MED16: variants seen among roughly 807,000 people sequenced by gnomAD.
MED16 encodes mediator complex subunit 16.
Under a neutral mutation model 84.4 loss-of-function variants are expected in MED16, and 81 were observed. The ratio of observed to expected loss-of-function variants is 0.96; its 90% CI spans 0.80 to 1.15. The LOEUF is 1.15. MED16 is among the 50% of genes most tolerant of loss of function. The probability of loss-of-function intolerance (pLI) is 0.00; values close to 1 mark genes in which losing one functional copy is unlikely to be tolerated. For synonymous variants in MED16, 897 were observed against 552.2 expected, an observed-to-expected ratio of 1.62 and a Z score of -8.76; for missense variants, 1,585 against 1,245.9, an observed-to-expected ratio of 1.27 and a Z score of -4.10.
At position 885,620 on chromosome 19, in the gene MED16, G is replaced by A. The variant is rs899950164; in HGVS notation, c.879+150C>T. Reference sequence around the variant, plus strand: ...AGATGCTGGGAAAGGCAGAAAATGGGTTCTCCCCTGGAGCCCCCGGGAGGG... The same window carrying A: ...AGATGCTGGGAAAGGCAGAAAATGGATTCTCCCCTGGAGCCCCCGGGAGGG... On this transcript the variant is annotated intron_variant, in intron 5 of 15. Transcript: ENST00000325464. 3.2e-6 allele frequency: 3 copies of A among 933,164 alleles called. No individual in the cohort carries two copies. In the Admixed American group the frequency reaches 8.6e-5, roughly 27 times the overall value. The allele number at this position is 933,164 out of a possible 1,614,324, so 57.8% of individuals were successfully genotyped here.
chr19:885,703 C>T (rs1336758786), intron 5 of MED16, 67 bp downstream of exon 5: 2 of 1,557,316 alleles, frequency 1.3e-6, no homozygotes, highest in East Asian at 2.3e-5. Context: ...TCTCCACCCC[C>T]AGGACCCTGA....
chr19:877,369 G>A (rs538679115), intron 8 of MED16, among the ~76,000 whole-genome samples, 189 bp from the exon 9 acceptor site: 12 of 152,036 alleles, frequency 7.9e-5, no homozygotes, highest in African/African-American at 2.4e-4. Flanking sequence ...CAATGCCTCT[G>A]GGAACAGGGA....
At chr19:876,605 G>A (rs537574028) in intron 9 of MED16, among the ~76,000 whole-genome samples, 164 of 152,136 alleles carry the variant, frequency 1.1e-3, no homozygotes, top group South Asian at 5.0e-3. Context: ...TTTCCTGGAC[G>A]GGCCTCTGGG....
chr19:868,155 G>C lies in MED16; in HGVS notation c.2580C>G (p.His860Gln). ...FVQLGPQSTHHSPRTPRSLDH... is the reference protein window; with the variant it reads ...FVQLGPQSTHQSPRTPRSLDH... ...CCAGGGATCTGGGGGTCCTGGGAGA[G>C]TGGTGTGTGGACTGCGGGCCCAGCT... The change falls in exon 16 of 16, where the codon CAC becomes CAG. Residue 860 changes from histidine to glutamine, a missense_variant. By Grantham distance (24) the His-to-Gln change is conservative. Coordinates refer to ENST00000325464, the MANE Select transcript of MED16 (RefSeq NM_005481.3). 1.2e-6 allele frequency: 2 copies of C among 1,611,828 alleles called. No individual in the cohort carries two copies. The highest frequency in any genetic ancestry group is 1.7e-6 in the Non-Finnish European group (2 of 1,179,590).
At chr19:884,278 C>G (rs2036480461) in intron 6 of MED16, among the ~76,000 whole-genome samples, 1 of 152,222 alleles carries the variant, frequency 6.6e-6, no homozygotes, top group South Asian at 2.1e-4. Context: ...CCGGTCATAG[C>G]AGGCGGGCGT....
At chr19:885,249 G>C (rs1026108937) in intron 5 of MED16, among the ~76,000 whole-genome samples, 1 of 152,176 alleles carries the variant, frequency 6.6e-6, no homozygotes, top group Non-Finnish European at 1.5e-5. Context: ...GGGACACAGG[G>C]AACCAAGTCA....
Position 885,937 on chromosome 19 carries a change from G to T in MED16, c.712C>A (p.Pro238Thr), listed in dbSNP as rs759143794. The change falls in exon 5 of 16, where the codon CCC (proline) becomes ACC (threonine). Residue 238 changes from proline to threonine, a missense_variant. By Grantham distance (38) the Pro-to-Thr change is conservative. Coordinates refer to ENST00000325464, the MANE Select transcript of MED16 (RefSeq NM_005481.3). ...VATADGSSAS[P>T]VQFYKVCVSV... ...ACGCACACCTTGTAGAACTGCACGGGCGACGCGCTGCTGCCGTCCGCCGTG... is the reference window on the plus strand; with the variant it reads ...ACGCACACCTTGTAGAACTGCACGGTCGACGCGCTGCTGCCGTCCGCCGTG... 1 of 1,612,966 alleles carries T rather than the reference G, an allele frequency of 6.2e-7. No homozygotes were observed. The highest frequency in any genetic ancestry group is 1.7e-4 in the Middle Eastern group (1 of 6,060).
At chr19:883,934 G>A (rs939024946) in intron 6 of MED16, among the ~76,000 whole-genome samples, 14 of 152,280 alleles carry the variant, frequency 9.2e-5, no homozygotes, top group Admixed American at 5.9e-4. Flanking sequence ...CCTGCCTGGT[G>A]ACTCACTACA....
At chr19:889,302 C>T (rs1205559583) in intron 4 of MED16, among the ~76,000 whole-genome samples, 6 of 152,298 alleles carry the variant, frequency 3.9e-5, no homozygotes, top group South Asian at 2.1e-4. Flanking sequence ...AAGACAGCAG[C>T]CACCAGTTAT....
chr19:884,958 G>C lies in MED16; in HGVS notation c.930C>G (p.Ser310=), dbSNP rs369054708. Residue 310 remains serine, a synonymous_variant, in exon 6 of 16, where the codon TCC becomes TCG. Transcript: ENST00000325464. The part of the protein sequence containing the change: ...SQTSSIVECW[S]LRKEGLPVNN... Reference sequence around the variant, plus strand: ...TCACGGGGAGTCCCTCCTTGCGCAGGGACCAGCACTCCACGATGCTGCTGG... The same window carrying C: ...TCACGGGGAGTCCCTCCTTGCGCAGCGACCAGCACTCCACGATGCTGCTGG... 6.2e-7 allele frequency: 1 copy of C among 1,609,404 alleles called. No individual in the cohort carries two copies. The highest frequency in any genetic ancestry group is 8.5e-7 in the Non-Finnish European group (1 of 1,179,328).
rs2035953365 is a variant in MED16, at chr19:867,987, C to G, written c.*114G>C. ...CTGGGCGCAGAGGGCGTTTATTGGA[C>G]CTGTCCTTCCCAGCCGCTGCTTGTC... is the stretch of plus-strand genomic sequence containing the variant. On this transcript the variant is annotated 3_prime_UTR_variant, in exon 16 of 16. Coordinates refer to ENST00000325464, the MANE Select transcript of MED16 (RefSeq NM_005481.3). 7.2e-7 allele frequency: 1 copy of G among 1,383,442 alleles called. No homozygotes were observed. Among genetic ancestry groups the G allele is most frequent in the Non-Finnish European group, 9.6e-7 (1 of 1,038,098 alleles). 85.7% of individuals were successfully genotyped at this position (1,383,442 alleles called of 1,614,324 possible). A position where few individuals can be genotyped will look rare whatever the true frequency, so the allele number is the denominator to read the frequency against.
Position 889,798 on chromosome 19 carries a change from A to G in MED16, c.287T>C (p.Leu96Pro). 6.2e-7 allele frequency: 1 copy of G among 1,610,930 alleles called. No homozygotes were observed. Among genetic ancestry groups the G allele is most frequent in the South Asian group, 1.1e-5 (1 of 90,720 alleles). The change falls in exon 4 of 16, where the codon CTC (leucine) becomes CCC (proline). Residue 96 changes from leucine (L) to proline (P), a missense_variant. Transcript: ENST00000325464. ...CLEWDQSGSR[L>P]LSADADGQIK... ...CTGCCCGTCGGCATCTGCTGACAGG[A>G]GCCGGGAGCCTGAGGGCAAGAAGCC...
intron 6 of MED16, among the ~76,000 whole-genome samples, chr19:884,368 C>T (rs375798476): frequency 2.7e-4 from 41 of 151,072 alleles, no homozygotes; most frequent in African/African-American, 9.5e-4. Context: ...GGGGGCCCAT[C>T]GGGCGGATAG....
rs2036607473 is a variant in MED16 at position 890,262 on chromosome 19, G to A, written c.170-18C>T. The A allele has an allele frequency of 4.0e-6, 6 of 1,493,724 alleles. No homozygotes were observed. Among genetic ancestry groups the A allele is most frequent in the South Asian group, 2.5e-5 (2 of 78,620 alleles). 92.5% of individuals were successfully genotyped at this position (1,493,724 alleles called of 1,614,324 possible). The stretch of plus-strand genomic sequence containing the variant: ...GGTCAGGTCTGTGGGGACGGGGCAT[G>A]GTCAGCACGGCCTGGCACCACAGCC... On this transcript the variant is annotated intron_variant, in intron 2 of 15. Transcript: ENST00000325464.
chr19:881,161 G>A (rs2930894), intron 7 of MED16, among the ~76,000 whole-genome samples: 44,980 of 151,970 alleles, frequency 0.3, 7,234 homozygotes, highest in African/African-American at 0.39. Context: ...AAATAGGGTA[G>A]GCACTGAAGA....
rs1568331582 is a variant in MED16 at position 885,879 on chromosome 19, G to A, written c.770C>T (p.Thr257Met). The change falls in exon 5 of 16, where the codon ACG (threonine) becomes ATG (methionine). Residue 257 changes from threonine to methionine, a missense_variant. Thr to Met is a moderately conservative substitution (Grantham distance 81). Coordinates refer to ENST00000325464, the MANE Select transcript of MED16 (RefSeq NM_005481.3). ...SVVSEKCRID[T>M]EILPSLFMRC... Reference sequence around the variant, plus strand: ...CATGAACAGGGAGGGCAGGATCTCCGTGTCGATACGGCACTTCTCGCTCAC... The same window carrying A: ...CATGAACAGGGAGGGCAGGATCTCCATGTCGATACGGCACTTCTCGCTCAC... 2.5e-6 allele frequency: 4 copies of A among 1,613,778 alleles called. No individual in the cohort carries two copies. Among genetic ancestry groups the A allele is most frequent in the Non-Finnish European group, 3.4e-6 (4 of 1,179,968 alleles).
intron 4 of MED16, among the ~76,000 whole-genome samples, chr19:886,685 C>T (rs531678455): frequency 1.3e-5 from 2 of 152,350 alleles, no homozygotes; most frequent in East Asian, 3.9e-4. Flanking sequence ...TAAGCACCAG[C>T]GGCTGCTGCG....
At chr19:875,850 G>A (rs2036217927) in intron 9 of MED16, among the ~76,000 whole-genome samples, 1 of 152,186 alleles carries the variant, frequency 6.6e-6, no homozygotes, top group African/African-American at 2.4e-5. Flanking sequence ...TAGAGAGAAT[G>A]AATGAATGAG....
At chr19:888,097 A>T (rs1399103988) in intron 4 of MED16, among the ~76,000 whole-genome samples, 1 of 151,450 alleles carries the variant, frequency 6.6e-6, no homozygotes, top group South Asian at 2.1e-4. Context: ...CCAGCTATTC[A>T]GGAGGCTGAG....
Sources: gnomAD v4.1 joint callset for allele counts (sites outside exome capture counted in the v4.1 genomes callset) on GRCh38, gnomAD v4.1.1 for gene constraint, MANE v1.5 for transcripts, NCBI Gene and HGNC (gene_info 2026-07-23, HGNC 2026-07-21) for gene names.